CCR5AS: variants seen among roughly 807,000 people sequenced by gnomAD.
The protein encoded by CCR5AS is CCR5 antisense RNA.
At chr3:46,368,251 A>G (rs529688443) in intron 3 of CCR5AS, among the ~76,000 whole-genome samples, 15 of 152,330 alleles carry the variant, frequency 9.8e-5, no homozygotes, top group Non-Finnish European at 1.9e-4. Flanking sequence ...TGACAAAGTG[A>G]TCAAAAGTTC....
chr3:46,382,599 T>C (rs1701826359), intron 2 of CCR5AS, among the ~76,000 whole-genome samples: 1 of 152,182 alleles, frequency 6.6e-6, no homozygotes, highest in Non-Finnish European at 1.5e-5. Flanking sequence ...GTATAAATTA[T>C]CTAGACCAGG....
chr3:46,396,889 C>T (rs946740905), intron 1 of CCR5AS, among the ~76,000 whole-genome samples: 1 of 152,218 alleles, frequency 6.6e-6, no homozygotes, highest in African/African-American at 2.4e-5. Flanking sequence ...GGAATCCAGC[C>T]TAAAATAGTC....
intron 2 of CCR5AS, chr3:46,373,468 T>C: frequency 1.9e-5 from 25 of 1,316,512 alleles, no homozygotes; most frequent in Non-Finnish European, 2.7e-5. Context: ...CAGTATCAAT[T>C]CTGGAAGAAT....
At chr3:46,394,316 A>G (rs1701940951) in intron 1 of CCR5AS, among the ~76,000 whole-genome samples, 1 of 152,112 alleles carries the variant, frequency 6.6e-6, no homozygotes, top group Non-Finnish European at 1.5e-5. Flanking sequence ...CTGTATCCTC[A>G]TCAAGGAGGG....
chr3:46,405,255 T>C (rs145138398), intron 1 of CCR5AS, among the ~76,000 whole-genome samples: 1 of 152,284 alleles, frequency 6.6e-6, no homozygotes, highest in Non-Finnish European at 1.5e-5. Context: ...TAAGCCAGGG[T>C]GATCCTGAAT....
intron 2 of CCR5AS, chr3:46,373,240 T>C (rs200815713): frequency 1.2e-6 from 2 of 1,614,190 alleles, no homozygotes; most frequent in East Asian, 4.5e-5. Context: ...ATAGGCTTCT[T>C]CTCTGGAATC....
intron 2 of CCR5AS, among the ~76,000 whole-genome samples, chr3:46,387,064 G>A (rs1701868529): frequency 6.6e-6 from 1 of 152,136 alleles, no homozygotes; most frequent in Non-Finnish European, 1.5e-5. Flanking sequence ...GAGAAAAGAA[G>A]AGAAGAGAGA....
At chr3:46,371,674 T>C (rs961201090) in intron 2 of CCR5AS, among the ~76,000 whole-genome samples, 2 of 152,214 alleles carry the variant, frequency 1.3e-5, no homozygotes, top group Non-Finnish European at 2.9e-5. Context: ...AAGACTAAAC[T>C]ACCCAGAATG....
intron 1 of CCR5AS, among the ~76,000 whole-genome samples, chr3:46,401,808 A>G (rs1702008582): frequency 6.7e-6 from 1 of 149,842 alleles, no homozygotes; most frequent in Non-Finnish European, 1.5e-5. Context: ...ATATTTATTT[A>G]TTTATTATTA....
At chr3:46,373,754 TCTTGGGATGACGCA>T in intron 2 of CCR5AS, 1 of 1,613,840 alleles carries the variant, frequency 6.2e-7, no homozygotes, top group South Asian at 1.1e-5. Context: ...TGACAGAGAC[TCTTGGGATGACGCA>T]CTGCTGCATC....
chr3:46,364,564 T>C (rs866208945), exon 4 of CCR5AS, among the ~76,000 whole-genome samples: 19 of 152,248 alleles, frequency 1.2e-4, no homozygotes, highest in Middle Eastern at 3.4e-3. Flanking sequence ...AAACATCCAT[T>C]CTGCAGTCCA....
chr3:46,370,317 G>A (rs1266310096), intron 3 of CCR5AS, among the ~76,000 whole-genome samples: 5 of 151,922 alleles, frequency 3.3e-5, no homozygotes, highest in Non-Finnish European at 5.9e-5. Flanking sequence ...TCACCCGTGA[G>A]CCCATAGTTA....
At chr3:46,384,739 C>T (rs889040397) in intron 2 of CCR5AS, among the ~76,000 whole-genome samples, 2 of 152,076 alleles carry the variant, frequency 1.3e-5, no homozygotes, top group African/African-American at 2.4e-5. Context: ...GGAGTAGGAA[C>T]TCTTATGCAA....
rs1266812289 is a variant in CCR5AS, at chr3:46,366,423, T to C, written n.566-1378A>G. 2.0e-5 allele frequency among the ~76,000 whole-genome samples: 3 copies of C among 152,340 alleles called. No homozygotes were observed. In the East Asian group the frequency reaches 5.8e-4, roughly 29 times the overall value. On this transcript the variant is annotated intron_variant and non_coding_transcript_variant, in intron 3 of 3. Coordinates refer to ENST00000451485, the Ensembl canonical transcript of CCR5AS. ...TAGCTTAGACATCTGTTACTGTACC[T>C]ACATGGCACTAGCCTCACGCCTAGA...
rs1163625300 is a variant in CCR5AS, at chr3:46,373,841, A to G, written n.392-2424T>C. 7 of 1,613,976 alleles carry G rather than the reference A, an allele frequency of 4.3e-6. No homozygotes were observed. In the South Asian group the frequency reaches 7.7e-5, roughly 18 times the overall value. On this transcript the variant is annotated intron_variant and non_coding_transcript_variant, in intron 2 of 3. Transcript: ENST00000451485. ...GAAACTACCTCTTAGTCTTCTTCCA[A>G]AAGCACATTGCCAAACGCTTCTGCA... is the stretch of plus-strand genomic sequence containing the variant.
chr3:46,385,768 T>C (rs1701855560), intron 2 of CCR5AS, among the ~76,000 whole-genome samples: 1 of 152,028 alleles, frequency 6.6e-6, no homozygotes, highest in South Asian at 2.1e-4. Context: ...TTAGATGGAG[T>C]CTGGTTCTGT....
chr3:46,376,036 T>C (rs1288977159), intron 2 of CCR5AS: 1 of 167,090 alleles, frequency 6.0e-6, no homozygotes, highest in Non-Finnish European at 1.5e-5. Flanking sequence ...GGGAAATGTC[T>C]TTCCTTTTGC....
chr3:46,382,721 T>C (rs545883791), intron 2 of CCR5AS, among the ~76,000 whole-genome samples: 52 of 152,282 alleles, frequency 3.4e-4, no homozygotes, highest in Admixed American at 1.9e-3. Flanking sequence ...AGGAACTGAA[T>C]GTTTTCCATG....
intron 3 of CCR5AS, among the ~76,000 whole-genome samples, chr3:46,367,992 G>A (rs1313138047): frequency 6.6e-6 from 1 of 152,194 alleles, no homozygotes; most frequent in Non-Finnish European, 1.5e-5. Context: ...GCTGCTGTAT[G>A]GCAGGGTTTC....
Sources: allele counts gnomAD v4.1 joint callset (sites outside exome capture counted in the v4.1 genomes callset), GRCh38; gene constraint gnomAD v4.1.1; transcripts MANE v1.5; gene names NCBI Gene and HGNC (gene_info 2026-07-23, HGNC 2026-07-21).